SMOC2: variants seen among roughly 807,000 people sequenced by gnomAD.
The protein encoded by SMOC2 is SPARC related modular calcium binding 2, also known as SPARC-related modular calcium-binding protein 2.
A neutral mutation model predicts 61.4 loss-of-function variants in SMOC2; 39 were observed. The ratio of observed to expected loss-of-function variants is 0.64; its 90% CI spans 0.49 to 0.83. The LOEUF is 0.83. Ranked by LOEUF, SMOC2 falls within the 40% of genes least tolerant of loss-of-function variation. The pLI is 0.00. For synonymous variants in SMOC2, 247 were observed against 239.9 expected, an observed-to-expected ratio of 1.03 and a Z score of -0.27; for missense variants, 556 against 592.9, an observed-to-expected ratio of 0.94 and a Z score of 0.65.
At chr6:168,530,191 T>C (rs1418357637) in intron 4 of SMOC2, among the ~76,000 whole-genome samples, 1 of 152,134 alleles carries the variant, frequency 6.6e-6, no homozygotes, top group Non-Finnish European at 1.5e-5. Flanking sequence ...GAATAATACA[T>C]GCAAACGTAA....
At chr6:168,589,686 C>T (rs925956700) in intron 7 of SMOC2, among the ~76,000 whole-genome samples, 2 of 144,308 alleles carry the variant, frequency 1.4e-5, no homozygotes, top group Admixed American at 6.9e-5. Context: ...AGGGGGCAGC[C>T]GGCCTGGTGG....
intron 2 of SMOC2, among the ~76,000 whole-genome samples, chr6:168,519,083 G>C (rs1783253542): frequency 6.6e-6 from 1 of 151,202 alleles, no homozygotes; most frequent in South Asian, 2.1e-4. Context: ...ATGTATGCGT[G>C]CATGTGTGAA....
intron 9 of SMOC2, among the ~76,000 whole-genome samples, chr6:168,628,727 G>A (rs574144323): frequency 1.3e-5 from 2 of 152,346 alleles, no homozygotes; most frequent in Admixed American, 6.5e-5. Context: ...CAGTAGATGG[G>A]ACTGTGCTGA....
At chr6:168,560,394 A>G (rs1784373112) in intron 7 of SMOC2, among the ~76,000 whole-genome samples, 1 of 152,278 alleles carries the variant, frequency 6.6e-6, no homozygotes, top group South Asian at 2.1e-4. Context: ...AAGTGATGGA[A>G]GAGTCATGGT....
chr6:168,496,053 C>G (rs947252965), intron 1 of SMOC2, among the ~76,000 whole-genome samples: 1 of 152,232 alleles, frequency 6.6e-6, no homozygotes, highest in East Asian at 1.9e-4. Flanking sequence ...ACAAAAGTCT[C>G]CAAGCTTCTC....
In SMOC2 at chr6:168,446,410, CA is replaced by C. The variant is rs755534295; in HGVS notation, c.84+4959del. ...TAAACTGTTCTACACATACAACACA[CA>C]AACTTAGAATGATGAATTTCCAGTA... On this transcript the variant is annotated intron_variant, in intron 1 of 12. Transcript: ENST00000356284. Among the ~76,000 whole-genome samples, 15 of 152,256 alleles carry C rather than the reference CA, an allele frequency of 9.9e-5. No individual in the cohort carries two copies. In the East Asian group the frequency reaches 2.1e-3, roughly 22 times the overall value.
At chr6:168,651,580 C>G (rs973902933) in intron 10 of SMOC2, among the ~76,000 whole-genome samples, 1 of 152,086 alleles carries the variant, frequency 6.6e-6, no homozygotes, top group Non-Finnish European at 1.5e-5. Flanking sequence ...GCCTTTCTCC[C>G]CATAGCCCCT....
At chr6:168,570,855 T>G (rs958594769) in intron 7 of SMOC2, among the ~76,000 whole-genome samples, 2 of 152,330 alleles carry the variant, frequency 1.3e-5, no homozygotes, top group East Asian at 3.9e-4. Flanking sequence ...TGCACTGATT[T>G]CTGTGTTATT....
intron 9 of SMOC2, among the ~76,000 whole-genome samples, chr6:168,609,780 CT>C (rs1191340217): frequency 6.6e-6 from 1 of 152,188 alleles, no homozygotes; most frequent in African/African-American, 2.4e-5. Context: ...TCTTTTGCCC[CT>C]AGTGTACTTC....
chr6:168,456,971 TGAA>T lies in SMOC2; in HGVS notation c.84+15522_84+15524del, dbSNP rs539477151. The stretch of plus-strand genomic sequence containing the variant: ...CAACAAGACTAGGGCTGCAGGGTTT[TGAA>T]GAAGCTGCTCGGGACAAGCATGCAC... On this transcript the variant is annotated intron_variant, in intron 1 of 12. Transcript: ENST00000356284. 4.1e-3 allele frequency among the ~76,000 whole-genome samples: 622 copies of T among 152,278 alleles called. 5 individuals carry two copies. Among genetic ancestry groups the T allele is most frequent in the African/African-American group, 0.014 (583 of 41,560 alleles).
At chr6:168,495,224 G>A (rs971716691) in intron 1 of SMOC2, among the ~76,000 whole-genome samples, 7 of 152,296 alleles carry the variant, frequency 4.6e-5, no homozygotes, top group Admixed American at 2.0e-4. Flanking sequence ...AGGGACCTCC[G>A]GCCAAGGGAA....
chr6:168,483,441 A>G (rs1782257937), intron 1 of SMOC2, among the ~76,000 whole-genome samples: 1 of 152,140 alleles, frequency 6.6e-6, no homozygotes, highest in Non-Finnish European at 1.5e-5. Context: ...AAAAAAGAAG[A>G]CATCAACAAA....
Position 168,453,014 on chromosome 6 carries a change from G to T in SMOC2, c.84+11560G>T, listed in dbSNP as rs1781498041. ...TCCCAGTGGCTCTGACAGCAGGGCC[G>T]GGGGCATAGTTCCCTGGAAGTCGGT... On this transcript the variant is annotated intron_variant, in intron 1 of 12. Coordinates refer to ENST00000356284, the MANE Select transcript of SMOC2 (RefSeq NM_001166412.2). This position sits in a 1 kb window ranked among gnomAD's most constrained non-coding sequence, Gnocchi z 4.4. Among the ~76,000 whole-genome samples, 2 of 152,330 alleles carry T rather than the reference G, an allele frequency of 1.3e-5. No homozygotes were observed. Among genetic ancestry groups the T allele is most frequent in the Non-Finnish European group, 2.9e-5 (2 of 68,022 alleles).
At chr6:168,634,298 G>A (rs980453461) in intron 9 of SMOC2, among the ~76,000 whole-genome samples, 2 of 152,292 alleles carry the variant, frequency 1.3e-5, no homozygotes, top group South Asian at 2.1e-4. Context: ...GAGATTGTTG[G>A]GTTATTGTGA....
intron 7 of SMOC2, among the ~76,000 whole-genome samples, chr6:168,582,538 C>T (rs187498560): frequency 6.6e-5 from 10 of 152,200 alleles, no homozygotes; most frequent in Admixed American, 6.5e-4. Context: ...TGGGGTGGGG[C>T]AGAGCCGGAG....
At chr6:168,468,941 G>A (rs988867553) in intron 1 of SMOC2, among the ~76,000 whole-genome samples, 3 of 152,272 alleles carry the variant, frequency 2.0e-5, no homozygotes, top group Middle Eastern at 3.4e-3. Context: ...GTTTCTTTTC[G>A]TCTCAAGAAG....
rs755760130 is a variant in SMOC2, at chr6:168,608,220, C to T, written c.888C>T (p.Tyr296=). 3 of 1,612,730 alleles carry T rather than the reference C, an allele frequency of 1.9e-6. No individual in the cohort carries two copies. In the South Asian group the frequency reaches 3.3e-5, roughly 18 times the overall value. Residue 296 remains tyrosine (Y), a synonymous_variant, in exon 9 of 13, where the codon TAC becomes TAT. Transcript: ENST00000356284. ...RAHPAKARDL[Y]KGRQLQGCPG... ...ACCCAGCCAAAGCCCGGGACCTGTA[C>T]AAGGGCCGCCAGCTACAAGGTGAGC...
chr6:168,659,767 T>TG (rs1787450622), intron 11 of SMOC2, among the ~76,000 whole-genome samples: 1 of 128,170 alleles, frequency 7.8e-6, no homozygotes, highest in African/African-American at 2.9e-5. Context: ...GTAGGTTGGG[T>TG]GAGGTTGTAG....
At chr6:168,519,204 T>A (rs1490216139) in intron 2 of SMOC2, among the ~76,000 whole-genome samples, 6 of 125,662 alleles carry the variant, frequency 4.8e-5, no homozygotes, top group African/African-American at 1.6e-4. Context: ...TGTGTGTGTA[T>A]GCATGCGTGT....
Sources: allele counts gnomAD v4.1 joint callset (sites outside exome capture counted in the v4.1 genomes callset), GRCh38; gene constraint gnomAD v4.1.1; non-coding constraint Gnocchi (gnomAD v3.1); transcripts MANE v1.5; gene names NCBI Gene and HGNC (gene_info 2026-07-23, HGNC 2026-07-21).